The following KCNIP4 variants were observed in gnomAD, a reference collection of about 807,000 sequenced individuals.
KCNIP4 encodes potassium voltage-gated channel interacting protein 4.
In KCNIP4, 12 loss-of-function variants were observed where a neutral mutation model predicts 34.0. That is an observed-to-expected ratio of 0.35 (90% CI 0.23 to 0.57). The LOEUF is 0.57. KCNIP4 is among the 20% of genes least tolerant of loss of function. KCNIP4 has a pLI of 0.83. For synonymous variants in KCNIP4, 124 were observed against 102.2 expected (o/e 1.21, Z -1.29); for missense variants, 238 against 311.7 (o/e 0.76, Z 1.78).
chr4:21,738,993 C>T (rs977681947), intron 1 of KCNIP4, among the ~76,000 whole-genome samples: 1 of 152,046 alleles, frequency 6.6e-6, no homozygotes, highest in Non-Finnish European at 1.5e-5. Flanking sequence ...AAATCACAGG[C>T]ATGTATTTCA....
chr4:21,224,661 A>C (rs1015489977), intron 1 of KCNIP4, among the ~76,000 whole-genome samples: 5 of 127,966 alleles, frequency 3.9e-5, no homozygotes, highest in Non-Finnish European at 7.7e-5. Flanking sequence ...ATCTCAGCTC[A>C]CTGCAGCCTC....
chr4:21,762,884 G>C, intron 1 of KCNIP4: 2 of 1,242,862 alleles, frequency 1.6e-6, no homozygotes, highest in Non-Finnish European at 2.1e-6. Flanking sequence ...GATTGGGAGG[G>C]GGGTGTAGGT....
At chr4:21,302,768 A>G (rs1048132276) in intron 1 of KCNIP4, among the ~76,000 whole-genome samples, 1 of 152,048 alleles carries the variant, frequency 6.6e-6, no homozygotes, top group African/African-American at 2.4e-5. Context: ...CATCAGAGTG[A>G]CACACTTATT....
intron 1 of KCNIP4, among the ~76,000 whole-genome samples, chr4:20,995,389 C>A (rs567854412): frequency 8.5e-5 from 13 of 152,272 alleles, no homozygotes; most frequent in African/African-American, 3.1e-4. Flanking sequence ...AGGCACAAAG[C>A]AAACACTCTG....
intron 1 of KCNIP4, among the ~76,000 whole-genome samples, chr4:21,348,064 A>G (rs1000641015): frequency 1.3e-5 from 2 of 152,192 alleles, no homozygotes; most frequent in Non-Finnish European, 1.5e-5. Context: ...ATCCACACAT[A>G]AAGGCCAGCT....
chr4:20,957,339 C>G lies in KCNIP4; in HGVS notation c.62-74630G>C, dbSNP rs80241724. ...GAATTGTTACAATTAGCAATGTGTGCTTGAATCAGACACACTATACTCATT... is the reference window on the plus strand; with the variant it reads ...GAATTGTTACAATTAGCAATGTGTGGTTGAATCAGACACACTATACTCATT... On this transcript the variant is annotated intron_variant, in intron 1 of 8. Coordinates refer to ENST00000382152, the MANE Select transcript of KCNIP4 (RefSeq NM_025221.6). Among the ~76,000 whole-genome samples the G allele has an allele frequency of 3.0e-3, 460 of 152,206 alleles. 1 individual carries two copies. Among genetic ancestry groups the G allele is most frequent in the African/African-American group, 0.01 (423 of 41,530 alleles).
chr4:21,879,803 C>T (rs1253601160), intron 1 of KCNIP4, among the ~76,000 whole-genome samples: 1 of 152,122 alleles, frequency 6.6e-6, no homozygotes, highest in Non-Finnish European at 1.5e-5. Context: ...ATAATCCCCA[C>T]ATGTCATGGA....
chr4:21,419,422 T>C (rs1250090183), intron 1 of KCNIP4, among the ~76,000 whole-genome samples: 1 of 152,134 alleles, frequency 6.6e-6, no homozygotes, highest in Non-Finnish European at 1.5e-5. Flanking sequence ...GTGGAGATTA[T>C]TGAGTTAGGG....
chr4:21,389,605 T>C (rs1722354924), intron 1 of KCNIP4, among the ~76,000 whole-genome samples: 1 of 151,890 alleles, frequency 6.6e-6, no homozygotes, highest in South Asian at 2.1e-4. Context: ...TCCAGCTTCA[T>C]CCATGTCCCT....
At chr4:20,779,071 C>T (rs1385244653) in intron 3 of KCNIP4, among the ~76,000 whole-genome samples, 1 of 152,060 alleles carries the variant, frequency 6.6e-6, no homozygotes, top group East Asian at 1.9e-4. Flanking sequence ...GGATTGAAAA[C>T]ACTAGGGAAA....
chr4:21,487,813 T>G (rs1237933449), intron 1 of KCNIP4, among the ~76,000 whole-genome samples: 1 of 152,206 alleles, frequency 6.6e-6, no homozygotes, highest in East Asian at 1.9e-4. Context: ...TAGGAGCTCG[T>G]TCACTTGGCT....
At chr4:21,111,383 A>T (rs143792536) in intron 1 of KCNIP4, among the ~76,000 whole-genome samples, 1 of 152,352 alleles carries the variant, frequency 6.6e-6, no homozygotes, top group East Asian at 1.9e-4. Context: ...CACAGGACTA[A>T]ATTCAAAAGT....
intron 1 of KCNIP4, among the ~76,000 whole-genome samples, chr4:21,421,492 A>C (rs932757240): frequency 3.3e-5 from 5 of 152,206 alleles, no homozygotes; most frequent in African/African-American, 1.2e-4. Context: ...AACCTAGAAG[A>C]TATTGTGCTA....
intron 1 of KCNIP4, among the ~76,000 whole-genome samples, chr4:21,552,775 T>A (rs1245142097): frequency 6.6e-6 from 1 of 152,142 alleles, no homozygotes; most frequent in East Asian, 1.9e-4. Context: ...CTTATCTTGC[T>A]GTAGAGCAAT....
intron 1 of KCNIP4, among the ~76,000 whole-genome samples, chr4:21,157,449 C>T (rs527792513): frequency 5.9e-5 from 9 of 151,662 alleles, no homozygotes; most frequent in East Asian, 3.9e-4. Flanking sequence ...CATTCCCATC[C>T]GAAACAACAA....
intron 1 of KCNIP4, among the ~76,000 whole-genome samples, chr4:21,719,226 C>T (rs956920120): frequency 5.9e-5 from 9 of 152,098 alleles, no homozygotes; most frequent in African/African-American, 2.2e-4. Context: ...GAAAAGGAGA[C>T]AGAAAGAAAC....
At chr4:21,089,234 G>GA (rs1443988040) in intron 1 of KCNIP4, among the ~76,000 whole-genome samples, 1,770 of 152,228 alleles carry the variant, frequency 0.012, 38 homozygotes, top group African/African-American at 0.04. Flanking sequence ...CTGTTCTCAT[G>GA]ATAGTGAGTG....
chr4:21,640,325 C>T (rs1201385670), intron 1 of KCNIP4, among the ~76,000 whole-genome samples: 1 of 152,172 alleles, frequency 6.6e-6, no homozygotes, highest in African/African-American at 2.4e-5. Context: ...GGTAGCAGTT[C>T]CCACTGTATT....
intron 2 of KCNIP4, among the ~76,000 whole-genome samples, chr4:20,859,665 G>A (rs1426435607): frequency 6.6e-6 from 1 of 152,046 alleles, no homozygotes; most frequent in Non-Finnish European, 1.5e-5. Context: ...AATAGTCATC[G>A]TTCTCCTCTT....
Sources: gnomAD v4.1 joint callset for allele counts (sites outside exome capture counted in the v4.1 genomes callset) on GRCh38, gnomAD v4.1.1 for gene constraint, MANE v1.5 for transcripts, NCBI Gene and HGNC (gene_info 2026-07-23, HGNC 2026-07-21) for gene names.